CTSB: variants seen among roughly 807,000 people sequenced by gnomAD.
The protein encoded by CTSB is cathepsin B.
CTSB carries 57 observed loss-of-function variants against 44.3 expected under a neutral mutation model. The observed-to-expected ratio is 1.29, with a 90% CI of 1.04 to 1.60. CTSB has a LOEUF of 1.60. CTSB is among the 40% of genes most tolerant of loss of function. CTSB has a pLI of 0.00. For synonymous variants in CTSB, 320 were observed against 168.0 expected, an observed-to-expected ratio of 1.91 and a Z score of -7.00; for missense variants, 768 against 443.0, an observed-to-expected ratio of 1.73 and a Z score of -6.59.
chr8:11,849,364 T>G, intron 4 of CTSB, 200 bp from the exon 5 acceptor site: 1 of 420,252 alleles, frequency 2.4e-6, no homozygotes, highest in East Asian at 4.4e-5. Context: ...CAGACTGGTC[T>G]TGAACTCCCG....
At chr8:11,866,652 G>A (rs1199810119) in intron 1 of CTSB, among the ~76,000 whole-genome samples, 1 of 152,304 alleles carries the variant, frequency 6.6e-6, no homozygotes, top group South Asian at 2.1e-4. Flanking sequence ...CTGAGGTCAG[G>A]AGGTCAAGAT....
intron 7 of CTSB, 59 bp downstream of exon 7, chr8:11,847,620 A>G: frequency 6.7e-7 from 1 of 1,484,834 alleles, no homozygotes. Flanking sequence ...CAGCGTGAGG[A>G]GGGATGCAGC....
intron 1 of CTSB, chr8:11,862,508 T>C (rs1264668923): frequency 1.3e-5 from 2 of 152,266 alleles, no homozygotes; most frequent in Admixed American, 6.5e-5. Context: ...ATGGAAATTG[T>C]ACTATCAGTG....
intron 1 of CTSB, among the ~76,000 whole-genome samples, chr8:11,858,415 C>T (rs577438286): frequency 2.4e-4 from 36 of 152,316 alleles, no homozygotes; most frequent in African/African-American, 8.7e-4. Flanking sequence ...TCCCCTCAGC[C>T]TCCTAAGGAG....
In CTSB at chr8:11,843,629, A is replaced by G. The variant is rs1812666409; in HGVS notation, c.*1496T>C. On this transcript the variant is annotated 3_prime_UTR_variant, in exon 10 of 10. Coordinates refer to ENST00000353047, the MANE Select transcript of CTSB (RefSeq NM_001908.5). ...CCCAAACCAAGGCTGGAGGGCATCC[A>G]GGGGGATGTGGTTCCCCACGGGGTA... 1 of 152,242 alleles carries G rather than the reference A, an allele frequency of 6.6e-6. No homozygotes were observed. Among genetic ancestry groups the G allele is most frequent in the South Asian group, 2.1e-4 (1 of 4,838 alleles). 9.4% of individuals were successfully genotyped at this position (152,242 alleles called of 1,614,324 possible). A position where few individuals can be genotyped will look rare whatever the true frequency, so the allele number is the denominator to read the frequency against.
intron 1 of CTSB, among the ~76,000 whole-genome samples, chr8:11,857,215 G>C (rs756566344): frequency 6.6e-6 from 1 of 152,100 alleles, no homozygotes; most frequent in African/African-American, 2.4e-5. Flanking sequence ...TCCGTGTTTC[G>C]TTATGTTGGC....
At chr8:11,847,984 G>A (rs762657624) in intron 6 of CTSB, 83 bp downstream of exon 6, 138 of 1,390,552 alleles carry the variant, frequency 9.9e-5, no homozygotes, top group Non-Finnish European at 1.3e-4. Flanking sequence ...TCAACCCCCA[G>A]TTTATAAAGG....
At chr8:11,849,018 C>A in intron 5 of CTSB, 28 bp downstream of exon 5, 1 of 1,567,924 alleles carries the variant, frequency 6.4e-7, no homozygotes, top group Non-Finnish European at 8.8e-7. Context: ...CAGCACTAAA[C>A]CCGCTGTGGA....
chr8:11,844,266 G>C lies in CTSB; in HGVS notation c.*859C>G, dbSNP rs1005131584. On this transcript the variant is annotated 3_prime_UTR_variant, in exon 10 of 10. Transcript: ENST00000353047. ...TCTGCAGGGACAAAGAGAGACAGCA[G>C]CTACAAGTCTATAGGCAGTGACAAA... 3 of 152,230 alleles carry C rather than the reference G, an allele frequency of 2.0e-5. No homozygotes were observed. The highest frequency in any genetic ancestry group is 7.2e-5 in the African/African-American group (3 of 41,460). The allele number at this position is 152,230 out of a possible 1,614,324, so 9.4% of individuals were successfully genotyped here.
chr8:11,848,946 C>T (rs1332636751), intron 5 of CTSB, 100 bp downstream of exon 5: 20 of 808,910 alleles, frequency 2.5e-5, no homozygotes, highest in African/African-American at 1.0e-4. Context: ...ACTTCTGACT[C>T]GCAGCAGTCC....
At chr8:11,850,815 G>C in intron 4 of CTSB, 51 bp downstream of exon 4, 1 of 1,360,672 alleles carries the variant, frequency 7.3e-7, no homozygotes, top group Non-Finnish European at 1.0e-6. Context: ...ACTCTCCAGT[G>C]TTGCTCCCAC....
At chr8:11,848,924 T>G in intron 5 of CTSB, 122 bp downstream of exon 5, 1 of 662,812 alleles carries the variant, frequency 1.5e-6, no homozygotes, top group Admixed American at 2.5e-5. Flanking sequence ...ACTCTCGGAG[T>G]CTCCCCGAAA....
In CTSB at chr8:11,849,113, C is replaced by T. The variant is rs946626660; in HGVS notation, c.379G>A (p.Ala127Thr). The T allele has an allele frequency of 2.5e-6, 4 of 1,613,608 alleles. No individual in the cohort carries two copies. Among genetic ancestry groups the T allele is most frequent in the African/African-American group, 1.3e-5 (1 of 75,046 alleles). The change falls in exon 5 of 10, where the codon GCG becomes ACG. Residue 127 changes from alanine to threonine, a missense_variant. By Grantham distance (58) the Ala-to-Thr change is moderately conservative. Transcript: ENST00000353047. Reference sequence around the variant, plus strand: ...GCCGACACCTCCACGCTGACGTGCGCATTGGTGTGGATGCAGATCCGGTCA... The same window carrying T: ...GCCGACACCTCCACGCTGACGTGCGTATTGGTGTGGATGCAGATCCGGTCA... ...ISDRICIHTN[A>T]HVSVEVSAED...
In CTSB at chr8:11,848,320, A is replaced by G. The variant is rs774714225; in HGVS notation, c.447-168T>C. On this transcript the variant is annotated intron_variant, in intron 5 of 9. Coordinates refer to ENST00000353047, the MANE Select transcript of CTSB (RefSeq NM_001908.5). Reference sequence around the variant, plus strand: ...AAACCCTCCAAGGGACGCTCCCTAGATAAGCACAGCTTGCAGGGAATAACC... The same window carrying G: ...AAACCCTCCAAGGGACGCTCCCTAGGTAAGCACAGCTTGCAGGGAATAACC... 18 of 699,388 alleles carry G rather than the reference A, an allele frequency of 2.6e-5. No homozygotes were observed. The East Asian group carries it at 4.1e-4, about 16-fold the overall frequency. The allele number at this position is 699,388 out of a possible 1,614,324, so 43.3% of individuals were successfully genotyped here.
At position 11,843,488 on chromosome 8, in the gene CTSB, A is replaced by AGAACT. The variant is rs1812638651; in HGVS notation, c.*1632_*1636dup. The AGAACT allele has an allele frequency of 6.6e-6, 1 of 152,234 alleles. No individual in the cohort carries two copies. Among genetic ancestry groups the AGAACT allele is most frequent in the Non-Finnish European group, 1.5e-5 (1 of 68,046 alleles). The allele number at this position is 152,234 out of a possible 1,614,324, so 9.4% of individuals were successfully genotyped here. On this transcript the variant is annotated 3_prime_UTR_variant, in exon 10 of 10. Coordinates refer to ENST00000353047, the MANE Select transcript of CTSB (RefSeq NM_001908.5). ...GGTTCTTCTAGTTTGCTCTATACCA[A>AGAACT]GAACTGCTATAACATGTTTCTAAAC... is the stretch of plus-strand genomic sequence containing the variant.
intron 1 of CTSB, chr8:11,854,551 C>G (rs1349175288): frequency 6.6e-6 from 1 of 150,694 alleles, no homozygotes; most frequent in African/African-American, 2.5e-5. Flanking sequence ...GTCTGGGGTA[C>G]AGTGGCACAA....
intron 1 of CTSB, among the ~76,000 whole-genome samples, chr8:11,859,097 G>A (rs915839471): frequency 6.6e-6 from 1 of 152,048 alleles, no homozygotes; most frequent in African/African-American, 2.4e-5. Flanking sequence ...GAGTTCCAGT[G>A]CACCCCTCTG....
chr8:11,849,844 G>C (rs1272466142), intron 4 of CTSB, among the ~76,000 whole-genome samples: 1 of 152,102 alleles, frequency 6.6e-6, no homozygotes, highest in Admixed American at 6.5e-5. Flanking sequence ...GCCTCCCAAA[G>C]TGTTGAGATT....
At chr8:11,846,796 T>C (rs905141497) in intron 8 of CTSB, among the ~76,000 whole-genome samples, 4 of 151,460 alleles carry the variant, frequency 2.6e-5, no homozygotes, top group Non-Finnish European at 5.9e-5. Flanking sequence ...CGCTAATGGA[T>C]GGGAAGGAAC....
Sources: gnomAD v4.1 joint callset for allele counts (sites outside exome capture counted in the v4.1 genomes callset) on GRCh38, gnomAD v4.1.1 for gene constraint, MANE v1.5 for transcripts, NCBI Gene and HGNC (gene_info 2026-07-23, HGNC 2026-07-21) for gene names.